Variants in CNTN5 observed in about 807,000 individuals in gnomAD.
CNTN5 encodes the protein contactin 5, also known as contactin-5.
CNTN5 carries 77 observed loss-of-function variants against 129.1 expected under a neutral mutation model. The observed-to-expected ratio is 0.60, with a 90% CI of 0.50 to 0.72. CNTN5 has a LOEUF of 0.72. Among genes scored for constraint, CNTN5 ranks in the 30% least tolerant of loss-of-function variants. The pLI is 0.00. For synonymous variants in CNTN5, 509 were observed against 465.6 expected (o/e 1.09, Z -1.20); for missense variants, 1,478 against 1,328.8 (o/e 1.11, Z -1.75).
chr11:99,205,943 A>T (rs1591357893), intron 1 of CNTN5, among the ~76,000 whole-genome samples: 1 of 152,228 alleles, frequency 6.6e-6, no homozygotes, highest in East Asian at 1.9e-4. Flanking sequence ...CTGGTGATAG[A>T]CTATATGACT....
In CNTN5 at chr11:99,318,066, A is replaced by G. The variant is rs564594740; in HGVS notation, c.-209-7280A>G. ...TCTTTAATGACATTTCAAACGTTTC[A>G]TATACACAATGAAAAGATTTTTAAA... On this transcript the variant is annotated intron_variant, in intron 1 of 24. Transcript: ENST00000524871. 5.3e-5 allele frequency among the ~76,000 whole-genome samples: 8 copies of G among 152,324 alleles called. No homozygotes were observed. The South Asian group carries it at 1.7e-3, about 32-fold the overall frequency.
chr11:99,125,604 G>A (rs1327556106), intron 1 of CNTN5, among the ~76,000 whole-genome samples: 1 of 152,066 alleles, frequency 6.6e-6, no homozygotes, highest in Non-Finnish European at 1.5e-5. Context: ...GTCCTGGCTA[G>A]AGAAATTAGG....
chr11:99,643,397 T>C (rs1273412685), intron 3 of CNTN5, among the ~76,000 whole-genome samples: 1 of 152,206 alleles, frequency 6.6e-6, no homozygotes, highest in African/African-American at 2.4e-5. Flanking sequence ...TCAGACATTA[T>C]ACATTCTGTT....
At chr11:100,167,289 G>A (rs556275057) in intron 13 of CNTN5, among the ~76,000 whole-genome samples, 34 of 151,908 alleles carry the variant, frequency 2.2e-4, no homozygotes, top group African/African-American at 7.5e-4. Context: ...GTAAGAGACC[G>A]TAGCTTCTGC....
chr11:99,242,143 T>C (rs1694592665), intron 1 of CNTN5, among the ~76,000 whole-genome samples: 1 of 152,078 alleles, frequency 6.6e-6, no homozygotes, highest in African/African-American at 2.4e-5. Context: ...GGCAGAAGGA[T>C]TTGCCAAGAA....
At chr11:99,701,232 A>G (rs1954505442) in intron 3 of CNTN5, among the ~76,000 whole-genome samples, 1 of 151,322 alleles carries the variant, frequency 6.6e-6, no homozygotes, top group Non-Finnish European at 1.5e-5. Flanking sequence ...AATGAGCTTC[A>G]TAAGGAAATA....
intron 3 of CNTN5, among the ~76,000 whole-genome samples, chr11:99,598,370 C>CTCTG (rs1950205796): frequency 6.8e-5 from 1 of 14,608 alleles, no homozygotes; most frequent in Non-Finnish European, 1.6e-4. Context: ...CTCTCTCTCT[C>CTCTG]TCTCCCTCTC....
intron 2 of CNTN5, among the ~76,000 whole-genome samples, chr11:99,473,873 C>T (rs1466157822): frequency 1.3e-5 from 2 of 151,894 alleles, no homozygotes; most frequent in Non-Finnish European, 2.9e-5. Context: ...AAACCATAGA[C>T]AGTAAATATA....
At chr11:99,122,263 T>A (rs1364618425) in intron 1 of CNTN5, among the ~76,000 whole-genome samples, 3 of 152,116 alleles carry the variant, frequency 2.0e-5, no homozygotes, top group African/African-American at 2.4e-5. Context: ...TTAAACCCAT[T>A]TATTTTCTAC....
intron 3 of CNTN5, among the ~76,000 whole-genome samples, chr11:99,817,596 G>GT (rs372057505): frequency 0.048 from 4,814 of 99,504 alleles, 168 homozygotes; most frequent in South Asian, 0.11. Flanking sequence ...GTCTGGGATA[G>GT]TTTTTTTTTT....
chr11:99,522,927 A>G (rs142727654), intron 2 of CNTN5, among the ~76,000 whole-genome samples: 1 of 152,274 alleles, frequency 6.6e-6, no homozygotes, highest in East Asian at 1.9e-4. Context: ...TCACACTCCC[A>G]CTGAAGACCA....
At chr11:99,381,250 G>A (rs936032954) in intron 2 of CNTN5, among the ~76,000 whole-genome samples, 1 of 152,188 alleles carries the variant, frequency 6.6e-6, no homozygotes, top group Admixed American at 6.5e-5. Flanking sequence ...GGATCATTAG[G>A]TGAGGGAATG....
At chr11:99,560,266 CT>C (rs1286134159) in intron 3 of CNTN5, among the ~76,000 whole-genome samples, 1 of 123,238 alleles carries the variant, frequency 8.1e-6, no homozygotes, top group Non-Finnish European at 1.7e-5. Context: ...AAGAATCTAA[CT>C]GTATTATTAT....
chr11:99,391,470 T>C (rs1252117179), intron 2 of CNTN5, among the ~76,000 whole-genome samples: 1 of 152,146 alleles, frequency 6.6e-6, no homozygotes, highest in African/African-American at 2.4e-5. Context: ...TGCTGTCATA[T>C]AGTAGCTAAG....
chr11:99,143,829 G>A (rs950026450), intron 1 of CNTN5, among the ~76,000 whole-genome samples: 3 of 152,088 alleles, frequency 2.0e-5, no homozygotes, highest in African/African-American at 7.2e-5. Flanking sequence ...ATAGTTTACA[G>A]GATAAGACTT....
chr11:99,973,862 C>A (rs1937746336), intron 8 of CNTN5, among the ~76,000 whole-genome samples: 1 of 152,144 alleles, frequency 6.6e-6, no homozygotes, highest in Non-Finnish European at 1.5e-5. Context: ...ATATTTTGCA[C>A]ATTTACCATA....
At position 99,941,130 on chromosome 11, in the gene CNTN5, C is replaced by T. The variant is rs1034910610; in HGVS notation, c.674-15676C>T. ...AAAGCAATTAATAATCATATTGTTG[C>T]CTCTATAAATTTTATTTATGTCAAT... is the stretch of plus-strand genomic sequence containing the variant. On this transcript the variant is annotated intron_variant, in intron 7 of 24. Coordinates refer to ENST00000524871, the MANE Select transcript of CNTN5 (RefSeq NM_014361.4). Among the ~76,000 whole-genome samples the T allele has an allele frequency of 5.3e-5, 8 of 152,098 alleles. 1 individual carries two copies. The highest frequency in any genetic ancestry group is 4.6e-4 in the Admixed American group (7 of 15,258).
chr11:99,200,552 C>T (rs1037693474), intron 1 of CNTN5, among the ~76,000 whole-genome samples: 5 of 152,168 alleles, frequency 3.3e-5, no homozygotes, highest in African/African-American at 4.8e-5. Flanking sequence ...TGTGGCTGCA[C>T]GCATATGCAG....
intron 4 of CNTN5, among the ~76,000 whole-genome samples, chr11:99,841,896 AT>A (rs1555131155): frequency 0.014 from 332 of 22,962 alleles, 2 homozygotes; most frequent in Admixed American, 0.024. Context: ...ATATATATAT[AT>A]TTTTTTTTTA....
Sources: gnomAD v4.1 joint callset for allele counts (sites outside exome capture counted in the v4.1 genomes callset) on GRCh38, gnomAD v4.1.1 for gene constraint, MANE v1.5 for transcripts, NCBI Gene and HGNC (gene_info 2026-07-23, HGNC 2026-07-21) for gene names.